The following ARMC3 variants were observed in gnomAD, a reference collection of about 807,000 sequenced individuals.
ARMC3 encodes armadillo repeat containing 3.
A neutral mutation model predicts 90.3 loss-of-function variants in ARMC3; 74 were observed. That is an observed-to-expected ratio of 0.82 (90% confidence interval 0.68 to 0.99). ARMC3 has a LOEUF of 0.99. Ranked by LOEUF, ARMC3 falls within the 50% of genes least tolerant of loss-of-function variation. ARMC3 has a pLI of 0.00. For synonymous variants in ARMC3, 334 were observed against 361.8 expected, an observed-to-expected ratio of 0.92 and a Z score of 0.87; for missense variants, 958 against 1,042.8, an observed-to-expected ratio of 0.92 and a Z score of 1.12.
chr10:22,981,290 G>A lies in ARMC3; in HGVS notation c.917-50G>A, dbSNP rs201740068. 2.5e-5 allele frequency: 37 copies of A among 1,491,212 alleles called. 1 individual carries two copies. The highest frequency in any genetic ancestry group is 1.9e-4 in the South Asian group (15 of 77,194). The allele number at this position is 1,491,212 out of a possible 1,614,324, so 92.4% of individuals were successfully genotyped here. ...TTGGATGGGAAAGTAGTAATACTTCGCAGTTTTTGCATTAAAATTCTGAAT... is the reference window on the plus strand; with the variant it reads ...TTGGATGGGAAAGTAGTAATACTTCACAGTTTTTGCATTAAAATTCTGAAT... On this transcript the variant is annotated intron_variant, in intron 8 of 18. Transcript: ENST00000298032.
At chr10:23,026,488 T>C (rs1035173498) in intron 16 of ARMC3, among the ~76,000 whole-genome samples, 3 of 152,034 alleles carry the variant, frequency 2.0e-5, no homozygotes, top group Non-Finnish European at 4.4e-5. Flanking sequence ...AAAAACCAAC[T>C]TATATTAACT....
intron 18 of ARMC3, among the ~76,000 whole-genome samples, chr10:23,035,914 CAG>C (rs1334856122): frequency 6.6e-6 from 1 of 152,148 alleles, no homozygotes; most frequent in African/African-American, 2.4e-5. Context: ...ACAAAGAAAA[CAG>C]GGAGTTTCAG....
chr10:22,989,286 G>T (rs901678124), intron 10 of ARMC3, among the ~76,000 whole-genome samples: 4 of 152,180 alleles, frequency 2.6e-5, no homozygotes, highest in Non-Finnish European at 5.9e-5. Flanking sequence ...ACAGATGCTT[G>T]TGTTTGACTT....
At chr10:22,955,257 C>A (rs1183271874) in intron 3 of ARMC3, 2 of 152,268 alleles carry the variant, frequency 1.3e-5, no homozygotes, top group African/African-American at 4.8e-5. Flanking sequence ...CGCTTTGGCA[C>A]ATAAAATTAA....
intron 3 of ARMC3, among the ~76,000 whole-genome samples, chr10:22,946,896 A>C (rs1179085130): frequency 6.6e-6 from 1 of 152,228 alleles, no homozygotes; most frequent in Non-Finnish European, 1.5e-5. Context: ...ATGGTGGCTA[A>C]TGCCTGTAAT....
intron 10 of ARMC3, among the ~76,000 whole-genome samples, chr10:22,984,439 T>C (rs1836319284): frequency 6.6e-6 from 1 of 152,200 alleles, no homozygotes; most frequent in Non-Finnish European, 1.5e-5. Flanking sequence ...TGGTAACGCT[T>C]TTTGTAAAAC....
At chr10:22,929,797 C>A (rs149789061) in intron 1 of ARMC3, among the ~76,000 whole-genome samples, 2 of 152,120 alleles carry the variant, frequency 1.3e-5, no homozygotes, top group Admixed American at 6.5e-5. Flanking sequence ...GTGATCCACC[C>A]GCCTCAGCCT....
chr10:23,027,914 G>T (rs1162632655), intron 16 of ARMC3, among the ~76,000 whole-genome samples: 1 of 152,060 alleles, frequency 6.6e-6, no homozygotes, highest in Non-Finnish European at 1.5e-5. Flanking sequence ...GCCAAGGCAG[G>T]AGTTTCGCTT....
At chr10:23,013,142 G>T (rs951672771) in intron 16 of ARMC3, among the ~76,000 whole-genome samples, 4 of 151,892 alleles carry the variant, frequency 2.6e-5, no homozygotes, top group South Asian at 4.1e-4. Flanking sequence ...CACGTGATCT[G>T]CCTGCCTCGG....
chr10:22,964,247 T>G (rs1402994899), intron 7 of ARMC3, among the ~76,000 whole-genome samples: 4 of 152,168 alleles, frequency 2.6e-5, no homozygotes, highest in Non-Finnish European at 5.9e-5. Context: ...AAACACTTTT[T>G]AAAAGGAACT....
chr10:23,020,495 T>C (rs900571619), intron 16 of ARMC3, among the ~76,000 whole-genome samples: 8 of 152,210 alleles, frequency 5.3e-5, no homozygotes, highest in Non-Finnish European at 1.0e-4. Context: ...ATGGTAACTG[T>C]ATGTTTAACT....
chr10:23,037,136 T>C lies in ARMC3; in HGVS notation c.2410-134T>C, dbSNP rs1430641025. 5.1e-6 allele frequency: 4 copies of C among 779,408 alleles called. No individual in the cohort carries two copies. In the African/African-American group the frequency reaches 5.2e-5, roughly 10 times the overall value. The allele number at this position is 779,408 out of a possible 1,614,324, so 48.3% of individuals were successfully genotyped here. A position where few individuals can be genotyped will look rare whatever the true frequency, so the allele number is the denominator to read the frequency against. On this transcript the variant is annotated intron_variant, in intron 18 of 18. Transcript: ENST00000298032. ...GCCCCTATACCAATAGTCCACATCT[T>C]TCAGCCTCCTATCTAAACATTTCTT...
chr10:22,994,029 C>CT (rs1191253403), intron 10 of ARMC3, among the ~76,000 whole-genome samples: 4 of 152,076 alleles, frequency 2.6e-5, no homozygotes, highest in African/African-American at 9.7e-5. Context: ...TAAATTGTTA[C>CT]TTTTTTCTGA....
intron 3 of ARMC3, among the ~76,000 whole-genome samples, chr10:22,948,628 C>G (rs967084139): frequency 6.6e-6 from 1 of 151,870 alleles, no homozygotes; most frequent in Non-Finnish European, 1.5e-5. Context: ...CCATCAACAT[C>G]AGACAATAAA....
At chr10:23,014,090 A>C in intron 16 of ARMC3, 1 of 1,550,212 alleles carries the variant, frequency 6.5e-7, no homozygotes, top group Non-Finnish European at 8.7e-7. Context: ...TCCTCTGCAC[A>C]TTCTGGCAGC....
Position 23,027,479 on chromosome 10 carries a change from T to C in ARMC3, c.2046-3117T>C, listed in dbSNP as rs755158127. On this transcript the variant is annotated intron_variant, in intron 16 of 18. Transcript: ENST00000298032. ...ATGAAACACAATTGGTTTTTGTGTGTTGATCTTATATCCTGACCCTTCGAT... is the reference window on the plus strand; with the variant it reads ...ATGAAACACAATTGGTTTTTGTGTGCTGATCTTATATCCTGACCCTTCGAT... Among the ~76,000 whole-genome samples, 9 of 152,352 alleles carry C rather than the reference T, an allele frequency of 5.9e-5. No homozygotes were observed. The South Asian group carries it at 6.2e-4, about 11-fold the overall frequency.
Position 22,962,868 on chromosome 10 carries a change from GCA to G in ARMC3, c.732+793_732+794del, listed in dbSNP as rs539377064. Reference sequence around the variant, plus strand: ...AGTACAATATAAAAGAGCAGTGATGGCACAAGCATGTTCCCAGCCATGTGGAC... The same window carrying G: ...AGTACAATATAAAAGAGCAGTGATGGCAAGCATGTTCCCAGCCATGTGGAC... On this transcript the variant is annotated intron_variant, in intron 7 of 18. Transcript: ENST00000298032. Among the ~76,000 whole-genome samples, 269 of 152,248 alleles carry G rather than the reference GCA, an allele frequency of 1.8e-3. 1 individual carries two copies. The highest frequency in any genetic ancestry group is 6.2e-3 in the African/African-American group (257 of 41,552).
In ARMC3 at chr10:23,003,296, A is replaced by T; in HGVS notation, c.1613A>T (p.Lys538Ile). 6.2e-7 allele frequency: 1 copy of T among 1,613,384 alleles called. No individual in the cohort carries two copies. The highest frequency in any genetic ancestry group is 8.5e-7 in the Non-Finnish European group (1 of 1,179,738). ...EVNVSGTRKN[K>I]FSEAAYNKLL... ...AACGTATCAGGAACTCGGAAAAATAAATTCAGTGAGGCAGCTTATAATAAG... is the reference window on the plus strand; with the variant it reads ...AACGTATCAGGAACTCGGAAAAATATATTCAGTGAGGCAGCTTATAATAAG... The change falls in exon 13 of 19, where the codon AAA becomes ATA. Residue 538 changes from lysine to isoleucine, a missense_variant. Lys to Ile is a moderately radical substitution (Grantham distance 102). Coordinates refer to ENST00000298032, the MANE Select transcript of ARMC3 (RefSeq NM_173081.5).
chr10:22,971,472 G>A (rs976466945), intron 8 of ARMC3, among the ~76,000 whole-genome samples: 12 of 133,974 alleles, frequency 9.0e-5, no homozygotes, highest in Non-Finnish European at 1.2e-4. Context: ...AGACAGTCTC[G>A]CTCCATCACC....
Sources: allele counts gnomAD v4.1 joint callset (sites outside exome capture counted in the v4.1 genomes callset), GRCh38; gene constraint gnomAD v4.1.1; transcripts MANE v1.5; gene names NCBI Gene and HGNC (gene_info 2026-07-23, HGNC 2026-07-21).